RBM10: variants seen among roughly 807,000 people sequenced by gnomAD.
RBM10 encodes RNA binding motif protein 10, also known as RNA-binding protein 10.
A neutral mutation model predicts 84.9 loss-of-function variants in RBM10; 1 was observed. The observed-to-expected ratio is 0.01, with a 90% CI of 0.00 to 0.06. RBM10 has a LOEUF of 0.06. RBM10 is among the 10% of genes least tolerant of loss of function. RBM10 has a pLI of 1.00. For missense variants in RBM10, 438 were observed against 839.0 expected, an observed-to-expected ratio of 0.52 and a Z score of 5.90; for synonymous variants, 326 against 344.5, an observed-to-expected ratio of 0.95 and a Z score of 0.60.
intron 2 of RBM10, among the ~76,000 whole-genome samples, chrX:47,152,915 C>T (rs1293620016): frequency 3.6e-5 from 4 of 109,598 alleles, no homozygotes; most frequent in Non-Finnish European, 7.6e-5. Flanking sequence ...GGTGCAATCT[C>T]GGCCCACTGC....
intron 2 of RBM10, among the ~76,000 whole-genome samples, chrX:47,156,244 G>T (rs1278269378): frequency 8.9e-6 from 1 of 111,790 alleles, no homozygotes; most frequent in African/African-American, 3.3e-5. Flanking sequence ...TTTTATGACT[G>T]CTGGGATTTG....
intron 2 of RBM10, among the ~76,000 whole-genome samples, chrX:47,160,635 T>C (rs1933603741): frequency 9.0e-6 from 1 of 111,457 alleles, no homozygotes. Context: ...AGAATGCTTA[T>C]ATACTGTTGG....
At position 47,182,173 on chromosome X, in the gene RBM10, T is replaced by C; in HGVS notation, c.1797T>C (p.Asn599=). ...YYDPNSQYYY[N]AQSQQYLYWD... ...TCCTCCTCCCTCAGTATTACTACAA[T>C]GCTCAGAGCCAGCAGTACCTGTACT... is the stretch of plus-strand genomic sequence containing the variant. The change falls in exon 17 of 24, where the codon AAT becomes AAC. Residue 599 remains asparagine, a synonymous_variant. Transcript: ENST00000377604. 8.3e-7 allele frequency: 1 copy of C among 1,211,702 alleles called. No homozygotes were observed. Among genetic ancestry groups the C allele is most frequent in the Non-Finnish European group, 1.1e-6 (1 of 895,497 alleles).
chrX:47,155,778 C>T (rs1444634183), intron 2 of RBM10, among the ~76,000 whole-genome samples: 1 of 106,200 alleles, frequency 9.4e-6, no homozygotes, highest in African/African-American at 3.4e-5. Context: ...CATATATACC[C>T]ATCCACTAGA....
chrX:47,163,520 A>G (rs1259164452), intron 2 of RBM10, among the ~76,000 whole-genome samples: 3 of 111,698 alleles, frequency 2.7e-5, no homozygotes, highest in African/African-American at 6.5e-5. Flanking sequence ...AGTTTTCGGT[A>G]TGTTGCCCAG....
intron 4 of RBM10, among the ~76,000 whole-genome samples, chrX:47,171,541 A>T (rs1934673104): frequency 8.9e-6 from 1 of 112,036 alleles, no homozygotes; most frequent in Non-Finnish European, 1.9e-5. Flanking sequence ...TGCACATTCC[A>T]CTGGTCATCC....
chrX:47,148,351 T>C (rs1467622478), intron 2 of RBM10, among the ~76,000 whole-genome samples: 2 of 111,793 alleles, frequency 1.8e-5, no homozygotes, highest in Non-Finnish European at 3.8e-5. Flanking sequence ...AGAAGTGCTC[T>C]GTGGCCATTT....
At chrX:47,149,510 G>A (rs1371005816) in intron 2 of RBM10, among the ~76,000 whole-genome samples, 1 of 110,908 alleles carries the variant, frequency 9.0e-6, no homozygotes, top group East Asian at 2.8e-4. Flanking sequence ...TCAGGCATGT[G>A]CCACCACGCC....
chrX:47,170,375 G>A (rs782656433), intron 3 of RBM10, among the ~76,000 whole-genome samples: 2 of 113,639 alleles, frequency 1.8e-5, no homozygotes, highest in East Asian at 5.6e-4. Flanking sequence ...GAGGGCTTTG[G>A]CCCCAGGCCT....
At chrX:47,183,598 T>C (rs1319176405) in intron 17 of RBM10, among the ~76,000 whole-genome samples, 2 of 110,856 alleles carry the variant, frequency 1.8e-5, no homozygotes, top group Non-Finnish European at 3.8e-5. Context: ...ACTTAATGGG[T>C]ATGATGTACA....
At chrX:47,163,638 G>A (rs1412618239) in intron 2 of RBM10, among the ~76,000 whole-genome samples, 2 of 108,106 alleles carry the variant, frequency 1.9e-5, no homozygotes, top group Non-Finnish European at 3.8e-5. Flanking sequence ...GAAACTTTTG[G>A]AAGTCTCTCT....
intron 2 of RBM10, among the ~76,000 whole-genome samples, chrX:47,160,145 A>G: frequency 8.9e-6 from 1 of 112,392 alleles, no homozygotes; most frequent in Non-Finnish European, 1.9e-5. Flanking sequence ...CTCAAAAAAA[A>G]AGAAAAAAAA....
rs1556772892 is a variant in RBM10 at position 47,171,153 on chromosome X, C to T, written c.327C>T (p.Thr109=). 9 of 1,209,600 alleles carry T rather than the reference C, an allele frequency of 7.4e-6. No homozygotes were observed. Among genetic ancestry groups the T allele is most frequent in the East Asian group, 5.9e-5 (2 of 33,760 alleles). The stretch of plus-strand genomic sequence containing the variant: ...ACTATCGGGACCAGGACTATCGGAC[C>T]GAGCAAGGGGAGGAGGAGGAGGAGG... The part of the protein sequence containing the change: ...DGDYRDQDYR[T]EQGEEEEEEE... Residue 109 remains threonine (T), a synonymous_variant, in exon 4 of 24, where the codon ACC becomes ACT. Transcript: ENST00000377604.
chrX:47,152,696 C>T (rs1556764005), intron 2 of RBM10, among the ~76,000 whole-genome samples: 1 of 107,106 alleles, frequency 9.3e-6, no homozygotes, highest in East Asian at 2.9e-4. Context: ...ATCCACCTGC[C>T]TCAGCTTCCC....
chrX:47,180,241 G>A lies in RBM10; in HGVS notation c.1092G>A (p.Gln364=), dbSNP rs782107330. ...CAGCCCAGCTGCTGCAGATCCTGCA[G>A]GCCCTGCACCCACCACTCACTATCG... ...VEAAQLLQIL[Q]ALHPPLTIDG... is the part of the protein sequence containing the mutation. Residue 364 remains glutamine (Q), a synonymous_variant, in exon 11 of 24, where the codon CAG becomes CAA. Transcript: ENST00000377604. 1 of 1,204,715 alleles carries A rather than the reference G, an allele frequency of 8.3e-7. No homozygotes were observed. Among genetic ancestry groups the A allele is most frequent in the African/African-American group, 1.7e-5 (1 of 57,790 alleles).
chrX:47,184,808 G>A (rs1305874375), intron 17 of RBM10, among the ~76,000 whole-genome samples: 9 of 111,435 alleles, frequency 8.1e-5, no homozygotes, highest in African/African-American at 2.6e-4. Context: ...GATGGGAGGC[G>A]AAGGAAGGGT....
chrX:47,173,696 T>C (rs1556774696), intron 5 of RBM10, among the ~76,000 whole-genome samples: 1 of 111,677 alleles, frequency 9.0e-6, no homozygotes, highest in South Asian at 3.7e-4. Context: ...CAGCCAGGAC[T>C]TCCTGGCCTC....
At chrX:47,150,255 G>A (rs1274367793) in intron 2 of RBM10, among the ~76,000 whole-genome samples, 5 of 109,828 alleles carry the variant, frequency 4.6e-5, no homozygotes, top group Non-Finnish European at 9.5e-5. Flanking sequence ...TGCAAACTTC[G>A]CCTCCCGGGT....
At chrX:47,177,342 C>G (rs1556776684) in intron 7 of RBM10, among the ~76,000 whole-genome samples, 1 of 111,810 alleles carries the variant, frequency 8.9e-6, no homozygotes, top group Non-Finnish European at 1.9e-5. Context: ...CATGGGTGAA[C>G]CTTTAGCTGT....
Sources: gnomAD v4.1 joint callset for allele counts (sites outside exome capture counted in the v4.1 genomes callset) on GRCh38, gnomAD v4.1.1 for gene constraint, MANE v1.5 for transcripts, NCBI Gene and HGNC (gene_info 2026-07-23, HGNC 2026-07-21) for gene names.